Variants in SSBP2 observed in about 807,000 individuals in gnomAD.
SSBP2 encodes the protein single-stranded DNA-binding protein 2.
SSBP2 carries 17 observed loss-of-function variants against 61.8 expected under a neutral mutation model. The observed-to-expected ratio is 0.28, with a 90% CI of 0.19 to 0.41. The LOEUF is 0.41. Ranked by LOEUF, SSBP2 falls within the 10% of genes least tolerant of loss-of-function variation. SSBP2 has a pLI of 1.00. For missense variants in SSBP2, 310 were observed against 458.7 expected, an observed-to-expected ratio of 0.68 and a Z score of 2.96; for synonymous variants, 139 against 141.3, an observed-to-expected ratio of 0.98 and a Z score of 0.12.
chr5:81,624,021 A>G (rs1195930483), intron 3 of SSBP2, among the ~76,000 whole-genome samples: 2 of 152,160 alleles, frequency 1.3e-5, no homozygotes, highest in Admixed American at 6.5e-5. Context: ...GGTAGGTCCC[A>G]TATCTTAGTG....
intron 8 of SSBP2, among the ~76,000 whole-genome samples, chr5:81,468,298 T>C (rs1049597231): frequency 2.6e-5 from 4 of 152,026 alleles, no homozygotes; most frequent in African/African-American, 7.2e-5. Flanking sequence ...TCTCCTCTTA[T>C]TACTAATCTT....
chr5:81,637,759 A>T (rs988087034), intron 2 of SSBP2, among the ~76,000 whole-genome samples: 1 of 152,208 alleles, frequency 6.6e-6, no homozygotes, highest in Non-Finnish European at 1.5e-5. Context: ...CTGGGTATAT[A>T]CCCAAAGGAC....
chr5:81,677,835 A>T (rs1752099191), intron 1 of SSBP2, among the ~76,000 whole-genome samples: 1 of 151,656 alleles, frequency 6.6e-6, no homozygotes, highest in Non-Finnish European at 1.5e-5. Context: ...GGGTGAAAAA[A>T]AAAAAAAAAA....
chr5:81,437,552 T>C (rs1043941011), intron 14 of SSBP2, 94 bp from the exon 15 acceptor site: 18 of 1,170,368 alleles, frequency 1.5e-5, no homozygotes, highest in African/African-American at 1.3e-4. Flanking sequence ...GTATACTATA[T>C]GTATTTTCCA....
intron 1 of SSBP2, among the ~76,000 whole-genome samples, chr5:81,687,338 G>A (rs1428428003): frequency 6.6e-6 from 1 of 152,174 alleles, no homozygotes; most frequent in Non-Finnish European, 1.5e-5. Flanking sequence ...CAGCCCAGTG[G>A]CCAGAACCTG....
At chr5:81,664,971 A>G (rs1397847721) in intron 1 of SSBP2, among the ~76,000 whole-genome samples, 1 of 152,108 alleles carries the variant, frequency 6.6e-6, no homozygotes, top group Admixed American at 6.5e-5. Flanking sequence ...GTAGCCTTGT[A>G]GTACAGTTTG....
chr5:81,452,449 T>G (rs1179555454), intron 10 of SSBP2, among the ~76,000 whole-genome samples: 1 of 151,986 alleles, frequency 6.6e-6, no homozygotes, highest in African/African-American at 2.4e-5. Flanking sequence ...TTTAGAGAAA[T>G]AAGTCTAGAG....
intron 4 of SSBP2, among the ~76,000 whole-genome samples, chr5:81,522,379 G>A (rs755614457): frequency 6.6e-5 from 10 of 151,890 alleles, no homozygotes; most frequent in African/African-American, 1.4e-4. Context: ...TTAGAGTAAC[G>A]TACCTGAGTG....
chr5:81,645,276 C>T (rs1749149010), intron 2 of SSBP2, among the ~76,000 whole-genome samples: 1 of 152,116 alleles, frequency 6.6e-6, no homozygotes, highest in South Asian at 2.1e-4. Context: ...TTAGGAAATA[C>T]TAATTAATAT....
At chr5:81,522,733 T>C (rs1228629661) in intron 4 of SSBP2, among the ~76,000 whole-genome samples, 1 of 152,072 alleles carries the variant, frequency 6.6e-6, no homozygotes, top group Non-Finnish European at 1.5e-5. Flanking sequence ...GGGACACAAA[T>C]TTATTTTTAG....
chr5:81,591,487 A>C (rs1370367587), intron 4 of SSBP2, among the ~76,000 whole-genome samples: 1 of 152,258 alleles, frequency 6.6e-6, no homozygotes, highest in Non-Finnish European at 1.5e-5. Context: ...TGGAACTATC[A>C]GATAGGAAGC....
In SSBP2 at chr5:81,582,253, C is replaced by G. The variant is rs188449643; in HGVS notation, c.282+33220G>C. On this transcript the variant is annotated intron_variant, in intron 4 of 16. Transcript: ENST00000320672. ...AAAGTAAAATAAATAAAGTATTTAA[C>G]AAGACTATGTTTTCTTTATTTTTAT... is the stretch of plus-strand genomic sequence containing the variant. 6.2e-4 allele frequency among the ~76,000 whole-genome samples: 95 copies of G among 152,184 alleles called. 1 individual carries two copies. Among genetic ancestry groups the G allele is most frequent in the Admixed American group, 2.9e-3 (45 of 15,296 alleles).
chr5:81,446,795 C>A, intron 12 of SSBP2, 73 bp downstream of exon 12: 1 of 1,464,298 alleles, frequency 6.8e-7, no homozygotes, highest in Non-Finnish European at 9.3e-7. Flanking sequence ...AACTTTATTT[C>A]ATGAACAATT....
At chr5:81,514,627 T>C (rs570167324) in intron 4 of SSBP2, among the ~76,000 whole-genome samples, 3 of 152,074 alleles carry the variant, frequency 2.0e-5, no homozygotes, top group South Asian at 2.1e-4. Context: ...AGTTCTGCTA[T>C]GATGAGAAAT....
At chr5:81,751,241 T>C (rs1212433354), upstream of SSBP2, 29 of 601,064 alleles carry the variant, frequency 4.8e-5, no homozygotes, top group Non-Finnish European at 7.1e-5. Context: ...AAGCGCGCGG[T>C]GGCGGCTAAG....
At chr5:81,749,156 C>A (rs1183889087) in intron 1 of SSBP2, among the ~76,000 whole-genome samples, 1 of 152,194 alleles carries the variant, frequency 6.6e-6, no homozygotes, top group African/African-American at 2.4e-5. Flanking sequence ...ACAAATGAGA[C>A]TGCATTTCAA....
chr5:81,699,804 T>C (rs1753844879), intron 1 of SSBP2, among the ~76,000 whole-genome samples: 1 of 151,964 alleles, frequency 6.6e-6, no homozygotes, highest in African/African-American at 2.4e-5. Context: ...TTTGCCCAAA[T>C]TCAACAGAGG....
chr5:81,722,631 G>A (rs758465544), intron 1 of SSBP2, among the ~76,000 whole-genome samples: 15 of 151,940 alleles, frequency 9.9e-5, no homozygotes, highest in Non-Finnish European at 1.9e-4. Flanking sequence ...ACATGACCTT[G>A]AGCATGCATT....
intron 4 of SSBP2, among the ~76,000 whole-genome samples, chr5:81,546,808 T>C (rs1269255870): frequency 6.6e-6 from 1 of 151,876 alleles, no homozygotes; most frequent in African/African-American, 2.4e-5. Flanking sequence ...AAAAATGACT[T>C]TTCAAAAGAA....
Sources: allele counts gnomAD v4.1 joint callset (sites outside exome capture counted in the v4.1 genomes callset), GRCh38; gene constraint gnomAD v4.1.1; transcripts MANE v1.5; gene names NCBI Gene and HGNC (gene_info 2026-07-23, HGNC 2026-07-21).